Variants in ADAMTS12 observed in about 807,000 individuals in gnomAD.
ADAMTS12 encodes the protein A disintegrin and metalloproteinase with thrombospondin motifs 12.
ADAMTS12 carries 118 observed loss-of-function variants against 167.8 expected under a neutral mutation model. The observed-to-expected ratio is 0.70, with a 90% confidence interval of 0.61 to 0.82. The LOEUF (loss-of-function observed/expected upper bound fraction) is 0.82. ADAMTS12 is among the 40% of genes least tolerant of loss of function. The probability of loss-of-function intolerance (pLI) is 0.00; values close to 1 mark genes in which losing one functional copy is unlikely to be tolerated. For synonymous variants in ADAMTS12, 704 were observed against 716.9 expected (o/e 0.98, Z 0.29); for missense variants, 1,916 against 1,998.8 (o/e 0.96, Z 0.79).
At chr5:33,815,718 C>T (rs898920179) in intron 2 of ADAMTS12, among the ~76,000 whole-genome samples, 13 of 152,208 alleles carry the variant, frequency 8.5e-5, no homozygotes, top group South Asian at 2.1e-4. Flanking sequence ...GAGAGAGGAG[C>T]GCATAGTCCT....
intron 3 of ADAMTS12, among the ~76,000 whole-genome samples, chr5:33,745,682 C>A (rs554795734): frequency 2.6e-3 from 398 of 152,152 alleles, no homozygotes; most frequent in African/African-American, 9.2e-3. Context: ...AAAAGACTAT[C>A]CAGTGCTGAG....
intron 2 of ADAMTS12, among the ~76,000 whole-genome samples, chr5:33,779,184 ATTTTTTTTTT>A (rs58073487): frequency 7.4e-6 from 1 of 135,498 alleles, no homozygotes; most frequent in Non-Finnish European, 1.6e-5. Flanking sequence ...TGAAATTAGT[ATTTTTTTTTT>A]TTTTTTTTTG....
At chr5:33,694,052 C>T (rs1742657604) in intron 3 of ADAMTS12, among the ~76,000 whole-genome samples, 1 of 152,236 alleles carries the variant, frequency 6.6e-6, no homozygotes, top group South Asian at 2.1e-4. Context: ...ATTCCATTCA[C>T]AATAGCCACA....
chr5:33,633,350 C>T (rs1035106553), intron 12 of ADAMTS12, among the ~76,000 whole-genome samples: 1 of 148,602 alleles, frequency 6.7e-6, no homozygotes, highest in Non-Finnish European at 1.5e-5. Context: ...CAAGGCTAGA[C>T]AGGTTAACTG....
chr5:33,613,338 G>T (rs930244915), intron 16 of ADAMTS12, among the ~76,000 whole-genome samples: 8 of 152,192 alleles, frequency 5.3e-5, no homozygotes, highest in Admixed American at 2.0e-4. Flanking sequence ...CCTGACCCCT[G>T]CCTTCACAGG....
intron 2 of ADAMTS12, among the ~76,000 whole-genome samples, chr5:33,867,409 T>C (rs1473921722): frequency 1.3e-5 from 2 of 152,112 alleles, no homozygotes; most frequent in African/African-American, 2.4e-5. Context: ...AGCTAAGCTA[T>C]GGATAATCAA....
chr5:33,644,799 C>T (rs539665501), intron 9 of ADAMTS12, among the ~76,000 whole-genome samples: 7 of 151,672 alleles, frequency 4.6e-5, no homozygotes, highest in East Asian at 3.9e-4. Flanking sequence ...GGTGCCATCT[C>T]GGCTCACTGC....
At chr5:33,570,659 C>T (rs1384108905) in intron 19 of ADAMTS12, among the ~76,000 whole-genome samples, 1 of 152,032 alleles carries the variant, frequency 6.6e-6, no homozygotes, top group East Asian at 1.9e-4. Context: ...AATGTAAAGA[C>T]CATCGAGATT....
chr5:33,568,975 C>T (rs374151968), intron 19 of ADAMTS12, among the ~76,000 whole-genome samples: 3 of 152,240 alleles, frequency 2.0e-5, no homozygotes, highest in Non-Finnish European at 2.9e-5. Context: ...CCTACGCCCA[C>T]GGAGTCTCGC....
chr5:33,827,003 G>A (rs565944847), intron 2 of ADAMTS12, among the ~76,000 whole-genome samples: 11 of 151,114 alleles, frequency 7.3e-5, no homozygotes, highest in East Asian at 1.9e-4. Context: ...AATAAGTCAC[G>A]TAATTGTTTC....
At chr5:33,839,695 A>C (rs1748671921) in intron 2 of ADAMTS12, among the ~76,000 whole-genome samples, 1 of 152,078 alleles carries the variant, frequency 6.6e-6, no homozygotes, top group South Asian at 2.1e-4. Context: ...CTCCCACAAC[A>C]CAGTGTTCTC....
At chr5:33,724,697 G>A (rs1743916648) in intron 3 of ADAMTS12, among the ~76,000 whole-genome samples, 2 of 152,026 alleles carry the variant, frequency 1.3e-5, no homozygotes, top group African/African-American at 4.8e-5. Context: ...GATTACAGGC[G>A]CCCGCCACCG....
intron 9 of ADAMTS12, among the ~76,000 whole-genome samples, chr5:33,643,785 G>T (rs1579791874): frequency 1.3e-5 from 2 of 152,342 alleles, no homozygotes; most frequent in African/African-American, 4.8e-5. Flanking sequence ...CTTGGGAAAG[G>T]TAACTGGTGA....
chr5:33,731,849 T>C (rs1744206159), intron 3 of ADAMTS12, among the ~76,000 whole-genome samples: 1 of 152,150 alleles, frequency 6.6e-6, no homozygotes, highest in Non-Finnish European at 1.5e-5. Flanking sequence ...AGACTATAAA[T>C]TATTCCATAT....
At position 33,891,759 on chromosome 5, in the gene ADAMTS12, C is replaced by A; in HGVS notation, c.98G>T (p.Gly33Val). The change falls in exon 1 of 24, where the codon GGC becomes GTC. Residue 33 changes from glycine (G) to valine (V), a missense_variant. Coordinates refer to ENST00000504830, the MANE Select transcript of ADAMTS12 (RefSeq NM_030955.4). The stretch of plus-strand genomic sequence containing the variant: ...CCTCCTGTCCGGGAAGCGAACCGGG[C>A]CTGGCTGAGGCTGTCTCCCATAGCA... Reference protein sequence around the residue: ...ALCYGRQPQPGPVRFPDRRQE... With the variant: ...ALCYGRQPQPVPVRFPDRRQE... The A allele has an allele frequency of 1.2e-6, 2 of 1,614,204 alleles. No individual in the cohort carries two copies. Among genetic ancestry groups the A allele is most frequent in the Non-Finnish European group, 8.5e-7 (1 of 1,180,022 alleles).
intron 22 of ADAMTS12, 70 bp from the exon 23 acceptor site, chr5:33,535,062 C>T: frequency 2.8e-6 from 4 of 1,451,582 alleles, no homozygotes; most frequent in Non-Finnish European, 3.7e-6. Flanking sequence ...AGTAGAACAC[C>T]TCCAATCCCA....
At chr5:33,788,356 C>T (rs1225539912) in intron 2 of ADAMTS12, among the ~76,000 whole-genome samples, 3 of 151,390 alleles carry the variant, frequency 2.0e-5, no homozygotes, top group African/African-American at 7.3e-5. Flanking sequence ...TTCATAACAA[C>T]TCACTGGAAT....
intron 2 of ADAMTS12, among the ~76,000 whole-genome samples, chr5:33,774,246 T>A (rs2112430290): frequency 6.6e-6 from 1 of 152,218 alleles, no homozygotes; most frequent in South Asian, 2.1e-4. Context: ...AACCAGACAT[T>A]CCTGCCCATG....
chr5:33,709,788 T>C (rs1743329047), intron 3 of ADAMTS12, among the ~76,000 whole-genome samples: 1 of 152,088 alleles, frequency 6.6e-6, no homozygotes, highest in East Asian at 1.9e-4. Context: ...GGTTGAAAGC[T>C]GCAGCAAACC....
Sources: allele counts gnomAD v4.1 joint callset (sites outside exome capture counted in the v4.1 genomes callset), GRCh38; gene constraint gnomAD v4.1.1; transcripts MANE v1.5; gene names NCBI Gene and HGNC (gene_info 2026-07-23, HGNC 2026-07-21).